NAV3: variants seen among roughly 807,000 people sequenced by gnomAD.
The protein encoded by NAV3 is pore membrane and/or filament interacting like protein 1.
A neutral mutation model predicts 244.7 loss-of-function variants in NAV3; 87 were observed. That is an observed-to-expected ratio of 0.36 (90% CI 0.30 to 0.42). NAV3 has a LOEUF of 0.42. Among genes scored for constraint, NAV3 ranks in the 20% least tolerant of loss-of-function variants. The probability of loss-of-function intolerance (pLI) is 1.00; values close to 1 mark genes in which losing one functional copy is unlikely to be tolerated. For synonymous variants in NAV3, 1,126 were observed against 1,042.2 expected, an observed-to-expected ratio of 1.08 and a Z score of -1.55; for missense variants, 2,663 against 2,893.3, an observed-to-expected ratio of 0.92 and a Z score of 1.83.
At chr12:77,993,501 A>C (rs2136383580) in intron 5 of NAV3, among the ~76,000 whole-genome samples, 1 of 152,322 alleles carries the variant, frequency 6.6e-6, no homozygotes, top group African/African-American at 2.4e-5. Context: ...CAGTGTAGTT[A>C]GAATACAGAT....
rs2137991935 is a variant in NAV3 at position 77,968,620 on chromosome 12, G to A, written c.589G>A (p.Val197Met). The part of the protein sequence containing the change: ...HHQQQYYQSL[V>M]ELQQRVTHAS... ...TCAACAACAGTACTATCAGTCCTTG[G>A]TGGAACTTCAGCAGCGAGTTACTCA... The change falls in exon 5 of 40, where the codon GTG (valine) becomes ATG (methionine). Residue 197 changes from valine to methionine, a missense_variant. Val to Met is a conservative substitution (Grantham distance 21). Transcript: ENST00000397909. 1 of 1,614,068 alleles carries A rather than the reference G, an allele frequency of 6.2e-7. No individual in the cohort carries two copies. Among genetic ancestry groups the A allele is most frequent in the Non-Finnish European group, 8.5e-7 (1 of 1,179,994 alleles).
At chr12:77,947,751 C>A (rs1015397567) in intron 3 of NAV3, among the ~76,000 whole-genome samples, 5 of 151,756 alleles carry the variant, frequency 3.3e-5, no homozygotes, top group African/African-American at 1.2e-4. Flanking sequence ...ACAAACTTCG[C>A]AAAAATATGT....
intron 5 of NAV3, among the ~76,000 whole-genome samples, chr12:77,986,024 G>A (rs35483023): frequency 0.45 from 68,392 of 151,988 alleles, 15,899 homozygotes; most frequent in African/African-American, 0.57. Flanking sequence ...GCAAATTGTT[G>A]TGGCTTTCTA....
intron 2 of NAV3, among the ~76,000 whole-genome samples, chr12:77,667,739 C>A (rs1485198673): frequency 6.6e-6 from 1 of 152,068 alleles, no homozygotes; most frequent in Non-Finnish European, 1.5e-5. Context: ...ACTTGAGAAA[C>A]CTGAATACTA....
intron 9 of NAV3, among the ~76,000 whole-genome samples, chr12:78,047,216 G>A (rs542472374): frequency 1.4e-4 from 22 of 152,166 alleles, no homozygotes; most frequent in East Asian, 3.9e-4. Flanking sequence ...GGCCAGGTGC[G>A]GTGGCTCACG....
At chr12:77,650,186 AC>A (rs896279246) in intron 2 of NAV3, among the ~76,000 whole-genome samples, 11 of 152,296 alleles carry the variant, frequency 7.2e-5, no homozygotes, top group Non-Finnish European at 1.3e-4. Context: ...TTCCCATGAA[AC>A]TTGTAATAAA....
At chr12:77,629,381 A>T (rs1213976227) in intron 2 of NAV3, among the ~76,000 whole-genome samples, 2 of 152,216 alleles carry the variant, frequency 1.3e-5, no homozygotes, top group African/African-American at 4.8e-5. Context: ...TTTAAAGTGT[A>T]ATTGTGATAA....
Position 77,911,846 on chromosome 12 carries a change from T to G in NAV3, c.244-28473T>G, listed in dbSNP as rs75481271. 8.5e-3 allele frequency among the ~76,000 whole-genome samples: 1,294 copies of G among 151,796 alleles called. 19 individuals are homozygous for G. Among genetic ancestry groups the G allele is most frequent in the Middle Eastern group, 0.027 (8 of 294 alleles). Reference sequence around the variant, plus strand: ...TGAGCCACGCTAATTAGAAATATTCTTATACCACTGATCATATATTTTTTT... The same window carrying G: ...TGAGCCACGCTAATTAGAAATATTCGTATACCACTGATCATATATTTTTTT... On this transcript the variant is annotated intron_variant, in intron 1 of 39. Coordinates refer to ENST00000397909, the MANE Select transcript of NAV3 (RefSeq NM_001024383.2).
At chr12:78,066,046 T>A (rs978910980) in intron 12 of NAV3, among the ~76,000 whole-genome samples, 1 of 152,120 alleles carries the variant, frequency 6.6e-6, no homozygotes, top group Non-Finnish European at 1.5e-5. Context: ...AGTGATTGGA[T>A]CACAAGAGTG....
At chr12:77,838,474 A>C (rs1875046196) in intron 1 of NAV3, among the ~76,000 whole-genome samples, 1 of 152,170 alleles carries the variant, frequency 6.6e-6, no homozygotes, top group African/African-American at 2.4e-5. Flanking sequence ...TGTTGCTGAA[A>C]ATTTCATACA....
At chr12:77,675,933 G>C (rs1423329603) in intron 2 of NAV3, among the ~76,000 whole-genome samples, 2 of 152,054 alleles carry the variant, frequency 1.3e-5, no homozygotes, top group Non-Finnish European at 2.9e-5. Context: ...TCCCCTCCGT[G>C]GTCAATGATG....
At chr12:77,722,666 T>G (rs1406710107) in intron 2 of NAV3, among the ~76,000 whole-genome samples, 1 of 152,084 alleles carries the variant, frequency 6.6e-6, no homozygotes, top group Non-Finnish European at 1.5e-5. Flanking sequence ...TGGAGTCTTT[T>G]GAAGAGTGTC....
At chr12:78,057,220 G>A (rs1297958085) in intron 11 of NAV3, among the ~76,000 whole-genome samples, 1 of 152,206 alleles carries the variant, frequency 6.6e-6, no homozygotes, top group Non-Finnish European at 1.5e-5. Flanking sequence ...TTATCTTCAG[G>A]TGTCACAGTA....
intron 20 of NAV3, among the ~76,000 whole-genome samples, chr12:78,144,622 T>C (rs779824780): frequency 2.6e-5 from 4 of 151,994 alleles, no homozygotes; most frequent in Non-Finnish European, 5.9e-5. Flanking sequence ...ATAATAGATA[T>C]TTAATGATTA....
intron 12 of NAV3, among the ~76,000 whole-genome samples, chr12:78,113,494 A>G (rs140069952): frequency 1.3e-5 from 2 of 152,316 alleles, no homozygotes; most frequent in African/African-American, 4.8e-5. Context: ...TGTAGGCTCA[A>G]CACCCCATGG....
At chr12:77,676,988 A>G (rs1874236651) in intron 2 of NAV3, among the ~76,000 whole-genome samples, 1 of 152,176 alleles carries the variant, frequency 6.6e-6, no homozygotes, top group Non-Finnish European at 1.5e-5. Context: ...TGATAATTAG[A>G]TTTTAAAATG....
At chr12:78,154,315 A>AG (rs1362422193) in intron 22 of NAV3, among the ~76,000 whole-genome samples, 12 of 133,062 alleles carry the variant, frequency 9.0e-5, no homozygotes, top group Admixed American at 3.3e-4. Flanking sequence ...AATATATAGT[A>AG]TATATATAGT....
chr12:77,820,300 A>G (rs1289771768), intron 2 of NAV3, among the ~76,000 whole-genome samples: 1 of 152,118 alleles, frequency 6.6e-6, no homozygotes, highest in Non-Finnish European at 1.5e-5. Context: ...TAATTTCTAT[A>G]AGAACAGGAA....
At chr12:78,127,380 G>A (rs1167458318) in intron 17 of NAV3, among the ~76,000 whole-genome samples, 172 bp downstream of exon 17, 1 of 152,056 alleles carries the variant, frequency 6.6e-6, no homozygotes, top group Non-Finnish European at 1.5e-5. Context: ...AGCCCCTTAG[G>A]TAGAGATACT....
Sources: allele counts gnomAD v4.1 joint callset (sites outside exome capture counted in the v4.1 genomes callset), GRCh38; gene constraint gnomAD v4.1.1; transcripts MANE v1.5; gene names NCBI Gene and HGNC (gene_info 2026-07-23, HGNC 2026-07-21).